SLC7A2: variants seen among roughly 807,000 people sequenced by gnomAD.
SLC7A2 encodes solute carrier family 7 member 2.
In SLC7A2, 48 loss-of-function variants were observed where a neutral mutation model predicts 58.9. The ratio of observed to expected loss-of-function variants is 0.82; its 90% CI spans 0.65 to 1.04. SLC7A2 has a LOEUF of 1.04. Among genes scored for constraint, SLC7A2 ranks in the 50% least tolerant of loss-of-function variants. SLC7A2 has a pLI of 0.00. For missense variants in SLC7A2, 1,029 were observed against 818.8 expected (o/e 1.26, Z -3.13); for synonymous variants, 363 against 314.5 (o/e 1.15, Z -1.63).
chr8:17,558,203 T>C lies in SLC7A2; in HGVS notation c.1196-92T>C, dbSNP rs1436904086. 3.2e-5 allele frequency: 24 copies of C among 752,076 alleles called. No individual in the cohort carries two copies. The South Asian group carries it at 3.4e-4, about 11-fold the overall frequency. 46.6% of individuals were successfully genotyped at this position (752,076 alleles called of 1,614,324 possible). ...ACTTATCCTTGGTACTAAAACGAAG[T>C]GGCAGTCAGATGTCCCTGACTTGAA... is the stretch of plus-strand genomic sequence containing the variant. On this transcript the variant is annotated intron_variant, in intron 8 of 12. Coordinates refer to ENST00000494857, the MANE Select transcript of SLC7A2 (RefSeq NM_001370338.1).
At chr8:17,524,284 A>G (rs991193655) in intron 2 of SLC7A2, among the ~76,000 whole-genome samples, 1 of 152,204 alleles carries the variant, frequency 6.6e-6, no homozygotes, top group African/African-American at 2.4e-5. Flanking sequence ...AAGTCATTAT[A>G]TGAAAAAGAT....
chr8:17,535,959 C>T (rs1284556372), intron 2 of SLC7A2, among the ~76,000 whole-genome samples: 1 of 152,056 alleles, frequency 6.6e-6, no homozygotes, highest in African/African-American at 2.4e-5. Context: ...ACATTGAAGT[C>T]TTAAGTGTTG....
intron 10 of SLC7A2, 151 bp downstream of exon 10, chr8:17,560,684 T>G: frequency 1.6e-6 from 1 of 637,792 alleles, no homozygotes; most frequent in South Asian, 1.9e-5. Context: ...CACCAGTGGT[T>G]GAGATCATCT....
chr8:17,559,698 C>T (rs182527532), intron 9 of SLC7A2, among the ~76,000 whole-genome samples: 15 of 152,304 alleles, frequency 9.8e-5, no homozygotes, highest in Admixed American at 2.0e-4. Flanking sequence ...TTCCACGGCA[C>T]GTGGGGATTA....
intron 10 of SLC7A2, 70 bp downstream of exon 10, chr8:17,560,603 A>G: frequency 3.1e-6 from 4 of 1,310,854 alleles, no homozygotes; most frequent in Non-Finnish European, 4.4e-6. Context: ...GCATGATATG[A>G]AAGAGAAAAG....
At chr8:17,523,748 C>G (rs1320129211) in intron 2 of SLC7A2, among the ~76,000 whole-genome samples, 3 of 152,036 alleles carry the variant, frequency 2.0e-5, no homozygotes, top group African/African-American at 4.8e-5. Flanking sequence ...GCAGCAAAAA[C>G]AAAGATAACT....
chr8:17,518,340 C>A (rs565681548), intron 2 of SLC7A2, among the ~76,000 whole-genome samples: 1 of 152,064 alleles, frequency 6.6e-6, no homozygotes, highest in South Asian at 2.1e-4. Flanking sequence ...CTAACATTGG[C>A]TTTTCACCAA....
chr8:17,549,023 G>A (rs545825184), intron 5 of SLC7A2, among the ~76,000 whole-genome samples, 180 bp downstream of exon 5: 27 of 152,290 alleles, frequency 1.8e-4, no homozygotes, highest in East Asian at 1.2e-3. Flanking sequence ...CAATCGTGGC[G>A]GAAGGTGAAA....
intron 2 of SLC7A2, among the ~76,000 whole-genome samples, chr8:17,520,966 A>C (rs1318910051): frequency 6.6e-6 from 1 of 152,128 alleles, no homozygotes; most frequent in Non-Finnish European, 1.5e-5. Flanking sequence ...TACGGAAATG[A>C]CCTTATATAA....
At chr8:17,545,167 G>A (rs1466397546) in intron 4 of SLC7A2, among the ~76,000 whole-genome samples, 2 of 152,090 alleles carry the variant, frequency 1.3e-5, no homozygotes, top group Non-Finnish European at 2.9e-5. Context: ...AGGAGGCACA[G>A]GAATTCTAAT....
In SLC7A2 at chr8:17,565,313, A is replaced by G. The variant is rs934720701; in HGVS notation, c.*167A>G. 10 of 598,204 alleles carry G rather than the reference A, an allele frequency of 1.7e-5. No individual in the cohort carries two copies. Among genetic ancestry groups the G allele is most frequent in the Middle Eastern group, 8.9e-4 (2 of 2,248 alleles). 37.1% of individuals were successfully genotyped at this position (598,204 alleles called of 1,614,324 possible). A position where few individuals can be genotyped will look rare whatever the true frequency, so the allele number is the denominator to read the frequency against. ...ACAGCATCTCCTCAGATGGTGAATTATGTGCACGGGGAAACCTCCTGAGTG... is the reference window on the plus strand; with the variant it reads ...ACAGCATCTCCTCAGATGGTGAATTGTGTGCACGGGGAAACCTCCTGAGTG... On this transcript the variant is annotated 3_prime_UTR_variant, in exon 13 of 13. Transcript: ENST00000494857.
At chr8:17,497,724 G>C (rs1037007737) in intron 1 of SLC7A2, among the ~76,000 whole-genome samples, 1 of 152,242 alleles carries the variant, frequency 6.6e-6, no homozygotes, top group Non-Finnish European at 1.5e-5. Context: ...GCTTAAATTA[G>C]AAAGCCGGCT....
chr8:17,510,235 T>G (rs1216306553), intron 2 of SLC7A2, among the ~76,000 whole-genome samples: 1 of 151,074 alleles, frequency 6.6e-6, no homozygotes, highest in East Asian at 1.9e-4. Flanking sequence ...AAACAAATAA[T>G]AATAATAATA....
At chr8:17,532,237 A>AAAAAACAAAAC in intron 2 of SLC7A2, among the ~76,000 whole-genome samples, 1 of 69,040 alleles carries the variant, frequency 1.4e-5, no homozygotes, top group Middle Eastern at 7.2e-3. Context: ...CTCAAAAAAA[A>AAAAAACAAAAC]AAAAAAAAAA....
intron 1 of SLC7A2, among the ~76,000 whole-genome samples, chr8:17,501,251 T>C (rs1037139650): frequency 6.6e-6 from 1 of 152,138 alleles, no homozygotes; most frequent in Non-Finnish European, 1.5e-5. Flanking sequence ...TGGCCTCAAG[T>C]GATCCGCCTG....
intron 2 of SLC7A2, among the ~76,000 whole-genome samples, chr8:17,539,327 A>G (rs1440577613): frequency 6.6e-6 from 1 of 152,160 alleles, no homozygotes; most frequent in Admixed American, 6.5e-5. Context: ...AGTTTGGGGC[A>G]CAATGGGCGT....
chr8:17,534,963 C>T (rs996116162), intron 2 of SLC7A2, among the ~76,000 whole-genome samples: 1 of 152,158 alleles, frequency 6.6e-6, no homozygotes, highest in East Asian at 1.9e-4. Context: ...ACCGCCCTTC[C>T]CCTAGAGCAG....
chr8:17,542,511 C>T (rs964897557), intron 2 of SLC7A2, among the ~76,000 whole-genome samples: 3 of 152,040 alleles, frequency 2.0e-5, no homozygotes, highest in Non-Finnish European at 4.4e-5. Flanking sequence ...GTTACCCGAG[C>T]GTGGTGGCAC....
Position 17,543,641 on chromosome 8 carries a change from T to G in SLC7A2, c.302T>G (p.Leu101Trp), listed in dbSNP as rs2150739376. The G allele has an allele frequency of 6.4e-7, 1 of 1,572,270 alleles. No homozygotes were observed. The highest frequency in any genetic ancestry group is 2.2e-5 in the East Asian group (1 of 44,586). The change falls in exon 3 of 13, where the codon TTG (leucine) becomes TGG (tryptophan). Residue 101 changes from leucine to tryptophan, a missense_variant. By Grantham distance (61) the Leu-to-Trp change is moderately conservative. Coordinates refer to ENST00000494857, the MANE Select transcript of SLC7A2 (RefSeq NM_001370338.1). ...ARVPKTGSAY[L>W]YTYVTVGELW... ...GTTCCCAAGACGGGGTCTGCATATT[T>G]GTACACCTACGTGACTGTCGGAGAG...
Sources: allele counts gnomAD v4.1 joint callset (sites outside exome capture counted in the v4.1 genomes callset), GRCh38; gene constraint gnomAD v4.1.1; transcripts MANE v1.5; gene names NCBI Gene and HGNC (gene_info 2026-07-23, HGNC 2026-07-21).